The following CLEC19A variants were observed in gnomAD, a reference collection of about 807,000 sequenced individuals.
The protein encoded by CLEC19A is C-type lectin domain family 19 member A.
CLEC19A carries 21 observed loss-of-function variants against 26.1 expected under a neutral mutation model. The ratio of observed to expected loss-of-function variants is 0.80; its 90% confidence interval spans 0.57 to 1.16. The LOEUF is 1.16. CLEC19A is among the 50% of genes most tolerant of loss of function. The pLI is 0.00. For synonymous variants in CLEC19A, 89 were observed against 88.6 expected, an observed-to-expected ratio of 1.00 and a Z score of -0.03; for missense variants, 224 against 227.6, an observed-to-expected ratio of 0.98 and a Z score of 0.10.
intron 1 of CLEC19A, among the ~76,000 whole-genome samples, chr16:19,297,616 G>A (rs1597083634): frequency 6.6e-6 from 1 of 152,260 alleles, no homozygotes; most frequent in East Asian, 1.9e-4. Flanking sequence ...ATAAACTCTA[G>A]GAGAGCCACT....
Position 19,285,942 on chromosome 16 carries a change from A to G in CLEC19A, c.88+3A>G, listed in dbSNP as rs1208450178. The G allele has an allele frequency of 1.3e-6, 2 of 1,550,248 alleles. No homozygotes were observed. The highest frequency in any genetic ancestry group is 1.4e-5 in the African/African-American group (1 of 73,012). ...AACAGACATCAGTATCAGTCCAGGT[A>G]AGTGCAGGGACCAGGGCTGGGAGCA... On this transcript the variant is annotated splice_donor_region_variant and intron_variant, in intron 1 of 4. Coordinates refer to ENST00000636231, the MANE Select transcript of CLEC19A (RefSeq NM_001256720.2).
rs1252655687 is a variant in CLEC19A, at chr16:19,307,589, C to T, written c.393C>T (p.Ser131=). The change falls in exon 4 of 5, where the codon AGC becomes AGT. Residue 131 remains serine (S), a synonymous_variant. Coordinates refer to ENST00000636231, the MANE Select transcript of CLEC19A (RefSeq NM_001256720.2). ...CTGATGGCTCATCCTATGACTACAG[C>T]TACTGGGATGGCAGCCAGCCAGATG... ...EWTDGSSYDY[S]YWDGSQPDDG... 1 of 1,548,312 alleles carries T rather than the reference C, an allele frequency of 6.5e-7. No homozygotes were observed. Among genetic ancestry groups the T allele is most frequent in the Non-Finnish European group, 8.7e-7 (1 of 1,146,802 alleles).
chr16:19,297,793 A>T (rs1897735901), intron 1 of CLEC19A, among the ~76,000 whole-genome samples: 2 of 152,218 alleles, frequency 1.3e-5, no homozygotes, highest in African/African-American at 4.8e-5. Context: ...ATGTGACATG[A>T]GAAAAAAATG....
intron 1 of CLEC19A, among the ~76,000 whole-genome samples, chr16:19,295,808 A>G (rs179209): frequency 0.63 from 96,473 of 152,056 alleles, 31,746 homozygotes; most frequent in East Asian, 0.92. Context: ...AGTCGTCCCA[A>G]GCAGCGATTC....
At chr16:19,304,318 A>G (rs988903911) in intron 3 of CLEC19A, 163 bp downstream of exon 3, 4 of 620,304 alleles carry the variant, frequency 6.4e-6, no homozygotes, top group African/African-American at 1.8e-5. Context: ...CAATTTGTGA[A>G]AGACATTTAA....
At chr16:19,287,158 C>A (rs1335191514) in intron 1 of CLEC19A, among the ~76,000 whole-genome samples, 4 of 151,940 alleles carry the variant, frequency 2.6e-5, no homozygotes, top group Non-Finnish European at 4.4e-5. Flanking sequence ...GCGAATATCA[C>A]AGACTGGGGA....
chr16:19,293,710 C>G (rs965042870), intron 1 of CLEC19A, among the ~76,000 whole-genome samples: 1 of 152,074 alleles, frequency 6.6e-6, no homozygotes, highest in Non-Finnish European at 1.5e-5. Context: ...CCCACCTTGG[C>G]CTCCCAAAGT....
intron 1 of CLEC19A, 70 bp from the exon 2 acceptor site, chr16:19,298,603 G>A (rs1397857226): frequency 7.0e-7 from 1 of 1,425,298 alleles, no homozygotes; most frequent in Non-Finnish European, 9.4e-7. Flanking sequence ...AAAGAAAATA[G>A]GTTCTAAGCT....
intron 1 of CLEC19A, among the ~76,000 whole-genome samples, chr16:19,288,594 G>T (rs923269427): frequency 2.0e-5 from 3 of 152,148 alleles, no homozygotes; most frequent in African/African-American, 7.2e-5. Flanking sequence ...ATCTCTTAGA[G>T]ACTTGGGAGG....
In CLEC19A at chr16:19,310,919, T is replaced by G. The variant is rs928544069; in HGVS notation, c.*1836T>G. ...AGCCACTGAACTGTACATTTTAAAA[T>G]AATAGTTAAAATGATAAATTTTACA... On this transcript the variant is annotated 3_prime_UTR_variant, in exon 5 of 5. Coordinates refer to ENST00000636231, the MANE Select transcript of CLEC19A (RefSeq NM_001256720.2). The G allele has an allele frequency of 6.6e-6, 1 of 152,160 alleles. No individual in the cohort carries two copies. Among genetic ancestry groups the G allele is most frequent in the African/African-American group, 2.4e-5 (1 of 41,442 alleles). 9.4% of individuals were successfully genotyped at this position (152,160 alleles called of 1,614,324 possible).
At chr16:19,301,684 C>T (rs1395847944) in intron 2 of CLEC19A, among the ~76,000 whole-genome samples, 1 of 150,018 alleles carries the variant, frequency 6.7e-6, no homozygotes, top group Non-Finnish European at 1.5e-5. Flanking sequence ...CTGCCTCAGC[C>T]TCCTGAGTAG....
intron 2 of CLEC19A, among the ~76,000 whole-genome samples, chr16:19,300,318 A>G (rs1276562785): frequency 6.6e-6 from 1 of 151,992 alleles, no homozygotes; most frequent in African/African-American, 2.4e-5. Flanking sequence ...GGAGGCTAAG[A>G]TGGGAGGATT....
chr16:19,303,230 C>A (rs1351907166), intron 2 of CLEC19A, among the ~76,000 whole-genome samples: 1 of 152,174 alleles, frequency 6.6e-6, no homozygotes, highest in Middle Eastern at 3.2e-3. Context: ...TAATTGTGTT[C>A]ATTTCTCTAC....
At chr16:19,301,633 G>A (rs1026592641) in intron 2 of CLEC19A, among the ~76,000 whole-genome samples, 1 of 151,522 alleles carries the variant, frequency 6.6e-6, no homozygotes, top group African/African-American at 2.4e-5. Context: ...GCGTGATCTC[G>A]GCTCACTGCA....
rs2143011981 is a variant in CLEC19A at position 19,310,944 on chromosome 16, A to C, written c.*1861A>C. ...TAATAGTTAAAATGATAAATTTTAC[A>C]TTATATGAATTTTTATTTTTATTTT... On this transcript the variant is annotated 3_prime_UTR_variant, in exon 5 of 5. Coordinates refer to ENST00000636231, the MANE Select transcript of CLEC19A (RefSeq NM_001256720.2). 6.6e-6 allele frequency: 1 copy of C among 152,188 alleles called. No homozygotes were observed. Among genetic ancestry groups the C allele is most frequent in the South Asian group, 2.1e-4 (1 of 4,814 alleles). The allele number at this position is 152,188 out of a possible 1,614,324, so 9.4% of individuals were successfully genotyped here.
chr16:19,297,686 G>A (rs369048116), intron 1 of CLEC19A, among the ~76,000 whole-genome samples: 1 of 152,084 alleles, frequency 6.6e-6, no homozygotes, highest in Non-Finnish European at 1.5e-5. Flanking sequence ...ATGACATGGG[G>A]GAAATGCTTA....
chr16:19,288,276 T>C (rs942081914), intron 1 of CLEC19A, among the ~76,000 whole-genome samples: 1 of 152,122 alleles, frequency 6.6e-6, no homozygotes, highest in East Asian at 1.9e-4. Flanking sequence ...TGTGAGTTTA[T>C]GGGTGCATAT....
At chr16:19,306,570 T>C (rs535852677) in intron 3 of CLEC19A, among the ~76,000 whole-genome samples, 2 of 152,250 alleles carry the variant, frequency 1.3e-5, no homozygotes, top group East Asian at 3.9e-4. Context: ...TAAATCAGAG[T>C]TAAAGAAACT....
intron 3 of CLEC19A, among the ~76,000 whole-genome samples, chr16:19,305,815 AGTTTTTTTGG>A (rs1439558203): frequency 6.6e-6 from 1 of 151,898 alleles, no homozygotes; most frequent in Non-Finnish European, 1.5e-5. Context: ...GTCAGACCTG[AGTTTTTTTGG>A]GTTTTTTTGC....
Sources: allele counts gnomAD v4.1 joint callset (sites outside exome capture counted in the v4.1 genomes callset), GRCh38; gene constraint gnomAD v4.1.1; transcripts MANE v1.5; gene names NCBI Gene and HGNC (gene_info 2026-07-23, HGNC 2026-07-21).